LRP1B: variants seen among roughly 807,000 people sequenced by gnomAD.
LRP1B encodes the protein LDL receptor related protein 1B.
A neutral mutation model predicts 556.6 loss-of-function variants in LRP1B; 217 were observed. The observed-to-expected ratio is 0.39, with a 90% confidence interval of 0.35 to 0.44. The LOEUF (loss-of-function observed/expected upper bound fraction) is 0.44, where lower values mean the gene tolerates loss of function less well. Among genes scored for constraint, LRP1B ranks in the 20% least tolerant of loss-of-function variants. LRP1B has a pLI of 1.00. For synonymous variants in LRP1B, 2,047 were observed against 1,865.8 expected (o/e 1.10, Z -2.50); for missense variants, 5,053 against 5,620.8 (o/e 0.90, Z 3.23).
chr2:140,667,605 A>G (rs1037606356), intron 41 of LRP1B, among the ~76,000 whole-genome samples: 6 of 152,194 alleles, frequency 3.9e-5, no homozygotes, highest in African/African-American at 1.4e-4. Context: ...CTTTGTTTGA[A>G]TATCTTTCAA....
chr2:140,359,075 C>T, intron 72 of LRP1B, 129 bp from the exon 73 acceptor site: 1 of 839,364 alleles, frequency 1.2e-6, no homozygotes, highest in Non-Finnish European at 1.7e-6. Flanking sequence ...TTTGTTGTGA[C>T]AATTGCCTAC....
intron 20 of LRP1B, among the ~76,000 whole-genome samples, chr2:140,927,176 A>G (rs1392920295): frequency 6.6e-6 from 1 of 152,058 alleles, no homozygotes; most frequent in Non-Finnish European, 1.5e-5. Flanking sequence ...GTGGTGGCTC[A>G]TGCCTGTGAT....
In LRP1B at chr2:140,475,150, G is replaced by C; in HGVS notation, c.9613C>G (p.His3205Asp). Residue 3205 changes from histidine (H) to aspartate (D), a missense_variant, in exon 60 of 91, where the codon CAT (histidine) becomes GAT (aspartate). By Grantham distance (81) the His-to-Asp change is moderately conservative. Around this residue, in one of 5 missense-constraint regions of LRP1B, gnomAD observed 262 missense variants for 395.1 expected, o/e 0.66. Coordinates refer to ENST00000389484, the MANE Select transcript of LRP1B (RefSeq NM_018557.3). ...HIEFSNMDGSHRHKVPNQDIP... is the reference protein window; with the variant it reads ...HIEFSNMDGSDRHKVPNQDIP... ...TTACTGGACCAACCTTTGTGTCTATGAGATCCATCCATGTTGCTAAATTCA... is the reference window on the plus strand; with the variant it reads ...TTACTGGACCAACCTTTGTGTCTATCAGATCCATCCATGTTGCTAAATTCA... 6.3e-7 allele frequency: 1 copy of C among 1,582,914 alleles called. No homozygotes were observed. The highest frequency in any genetic ancestry group is 8.6e-7 in the Non-Finnish European group (1 of 1,163,242).
At chr2:141,751,082 G>GA (rs1264465275) in intron 2 of LRP1B, among the ~76,000 whole-genome samples, 2 of 150,970 alleles carry the variant, frequency 1.3e-5, no homozygotes, top group Admixed American at 6.6e-5. Context: ...TTTCTGCAGA[G>GA]AAAAAAAAGC....
chr2:140,326,200 T>G (rs1680466650), intron 79 of LRP1B, among the ~76,000 whole-genome samples: 1 of 152,188 alleles, frequency 6.6e-6, no homozygotes, highest in Non-Finnish European at 1.5e-5. Context: ...GACTTTTCTT[T>G]AATATTTCCA....
chr2:141,472,829 T>G lies in LRP1B; in HGVS notation c.343+7567A>C, dbSNP rs1682529770. 3.3e-5 allele frequency among the ~76,000 whole-genome samples: 5 copies of G among 152,342 alleles called. 1 individual carries two copies. In the South Asian group the frequency reaches 1.0e-3, roughly 32 times the overall value. On this transcript the variant is annotated intron_variant, in intron 3 of 90. Coordinates refer to ENST00000389484, the MANE Select transcript of LRP1B (RefSeq NM_018557.3). The stretch of plus-strand genomic sequence containing the variant: ...CACCATTTGTAAAAATTTACAATTT[T>G]TTTTTGTTTCCATAGTTATTCTTAA...
Position 141,610,395 on chromosome 2 carries a change from T to G in LRP1B, c.206-129862A>C, listed in dbSNP as rs532261087. Among the ~76,000 whole-genome samples, 6 of 148,850 alleles carry G rather than the reference T, an allele frequency of 4.0e-5. No individual in the cohort carries two copies. The South Asian group carries it at 1.3e-3, about 32-fold the overall frequency. ...TTTGCTCACTGTGATCTAGGCATTGTAAACAGTGTTTCCCTCAGAATACCA... is the reference window on the plus strand; with the variant it reads ...TTTGCTCACTGTGATCTAGGCATTGGAAACAGTGTTTCCCTCAGAATACCA... On this transcript the variant is annotated intron_variant, in intron 2 of 90. Transcript: ENST00000389484.
intron 53 of LRP1B, among the ~76,000 whole-genome samples, chr2:140,505,360 C>T (rs908668339): frequency 6.6e-6 from 1 of 151,428 alleles, no homozygotes; most frequent in Admixed American, 6.6e-5. Context: ...AACCACCACA[C>T]ACCACGCTCT....
chr2:141,092,942 T>C (rs1408915374), intron 7 of LRP1B, among the ~76,000 whole-genome samples: 6 of 152,004 alleles, frequency 3.9e-5, no homozygotes, highest in Admixed American at 3.9e-4. Context: ...ATAGGAGAAA[T>C]TGGCATTGAG....
intron 1 of LRP1B, 66 bp from the exon 2 acceptor site, chr2:141,810,467 A>G: frequency 2.6e-6 from 4 of 1,539,436 alleles, no homozygotes; most frequent in Non-Finnish European, 3.6e-6. Context: ...GAGCAGTACA[A>G]ACATGAAATG....
intron 32 of LRP1B, among the ~76,000 whole-genome samples, chr2:140,801,583 T>G (rs1573737133): frequency 8.0e-5 from 1 of 12,470 alleles, no homozygotes; most frequent in Admixed American, 1.3e-3. Context: ...ATCTTACTAA[T>G]TTTTTTTTTT....
intron 32 of LRP1B, among the ~76,000 whole-genome samples, chr2:140,803,859 C>T (rs1314136776): frequency 4.9e-5 from 7 of 141,960 alleles, no homozygotes; most frequent in African/African-American, 1.9e-4. Context: ...GAAATAAACC[C>T]CTCCCCCACC....
chr2:141,478,405 T>C (rs1682791609), intron 3 of LRP1B, among the ~76,000 whole-genome samples: 1 of 152,162 alleles, frequency 6.6e-6, no homozygotes, highest in African/African-American at 2.4e-5. Flanking sequence ...AAAGCCTGAA[T>C]TATAACTGAG....
chr2:140,418,109 A>G (rs1685277000), intron 66 of LRP1B, among the ~76,000 whole-genome samples: 1 of 152,190 alleles, frequency 6.6e-6, no homozygotes, highest in African/African-American at 2.4e-5. Context: ...AACTCAATCT[A>G]TCACTTCAGG....
chr2:141,436,296 A>C (rs1199358325), intron 3 of LRP1B, among the ~76,000 whole-genome samples: 1 of 152,196 alleles, frequency 6.6e-6, no homozygotes, highest in Admixed American at 6.5e-5. Flanking sequence ...ATCTATTAGC[A>C]AGTGAAATAA....
chr2:140,752,054 C>T (rs577931409), intron 35 of LRP1B, among the ~76,000 whole-genome samples: 8 of 151,998 alleles, frequency 5.3e-5, no homozygotes, highest in Admixed American at 3.9e-4. Context: ...CAATGGCTCA[C>T]ACCTGTAATC....
chr2:142,027,282 A>G (rs1450297185), intron 1 of LRP1B, among the ~76,000 whole-genome samples: 2 of 151,408 alleles, frequency 1.3e-5, no homozygotes, highest in Non-Finnish European at 2.9e-5. Context: ...TTAAATAAAG[A>G]AATTCTGATT....
rs550893248 is a variant in LRP1B, at chr2:140,294,228, CAG to C, written c.12967+3578_12967+3579del. 2.3e-3 allele frequency among the ~76,000 whole-genome samples: 347 copies of C among 152,192 alleles called. 3 individuals carry two copies. The highest frequency in any genetic ancestry group is 7.5e-3 in the African/African-American group (312 of 41,522). Reference sequence around the variant, plus strand: ...GGTCTACCAATTGGGAACCAAAAGACAGAGGAGAAAATACTAGCTCTAGTTGA... The same window carrying C: ...GGTCTACCAATTGGGAACCAAAAGACAGGAGAAAATACTAGCTCTAGTTGA... On this transcript the variant is annotated intron_variant, in intron 84 of 90. Coordinates refer to ENST00000389484, the MANE Select transcript of LRP1B (RefSeq NM_018557.3).
intron 1 of LRP1B, among the ~76,000 whole-genome samples, chr2:141,929,392 TTTGA>T (rs1558968076): frequency 2.0e-5 from 3 of 152,102 alleles, no homozygotes; most frequent in African/African-American, 7.2e-5. Flanking sequence ...GAATCATCAA[TTTGA>T]TTATTTTATT....
Sources: allele counts gnomAD v4.1 joint callset (sites outside exome capture counted in the v4.1 genomes callset), GRCh38; gene constraint gnomAD v4.1.1; regional missense constraint gnomAD v4.1.1; transcripts MANE v1.5; gene names NCBI Gene and HGNC (gene_info 2026-07-23, HGNC 2026-07-21).